Variants in ARHGEF4 observed in about 807,000 individuals in gnomAD.
ARHGEF4 encodes the protein Rho guanine nucleotide exchange factor 4, also known as APC-stimulated guanine nucleotide exchange factor 1.
In ARHGEF4, 119 loss-of-function variants were observed where a neutral mutation model predicts 162.0. The observed-to-expected ratio is 0.73, with a 90% CI of 0.63 to 0.86. The LOEUF (loss-of-function observed/expected upper bound fraction) is 0.86. Ranked by LOEUF, ARHGEF4 falls within the 40% of genes least tolerant of loss-of-function variation. The pLI is 0.00. For synonymous variants in ARHGEF4, 1,014 were observed against 979.9 expected (o/e 1.03, Z -0.65); for missense variants, 2,488 against 2,456.0 (o/e 1.01, Z -0.28).
intron 1 of ARHGEF4, among the ~76,000 whole-genome samples, chr2:130,900,753 T>G (rs181921658): frequency 4.5e-4 from 68 of 152,324 alleles, no homozygotes; most frequent in African/African-American, 1.5e-3. Context: ...CGAGTGATTT[T>G]TAATTATAGT....
intron 4 of ARHGEF4, among the ~76,000 whole-genome samples, chr2:130,983,638 A>T (rs189808865): frequency 2.3e-4 from 35 of 151,656 alleles, no homozygotes; most frequent in Admixed American, 1.6e-3. Context: ...ATTTATTTTT[A>T]TTTTATTTTA....
At chr2:131,035,918 G>A in intron 5 of ARHGEF4, 1 of 965,566 alleles carries the variant, frequency 1.0e-6, no homozygotes, top group Non-Finnish European at 1.2e-6. Context: ...CCTTCTGGAG[G>A]CTGTCAGAAC....
Position 130,941,579 on chromosome 2 carries a change from T to C in ARHGEF4, c.3859-4930T>C, listed in dbSNP as rs560429851. Among the ~76,000 whole-genome samples the C allele has an allele frequency of 2.0e-5, 3 of 152,276 alleles. No individual in the cohort carries two copies. In the South Asian group the frequency reaches 6.2e-4, roughly 32 times the overall value. On this transcript the variant is annotated intron_variant, in intron 3 of 13. Coordinates refer to ENST00000409359, the MANE Select transcript of ARHGEF4 (RefSeq NM_001367493.1). ...TTGACCAGAAGCCTTGTTGATAATA[T>C]AAACAGTCTAACACTTATTTTGTAT...
intron 1 of ARHGEF4, among the ~76,000 whole-genome samples, chr2:130,847,243 T>C (rs1423189791): frequency 2.0e-5 from 3 of 152,210 alleles, no homozygotes; most frequent in Non-Finnish European, 4.4e-5. Context: ...GTGCCTGAGC[T>C]GAATCTGACA....
chr2:130,887,486 A>G (rs1679591787), intron 1 of ARHGEF4, among the ~76,000 whole-genome samples: 1 of 152,070 alleles, frequency 6.6e-6, no homozygotes, highest in South Asian at 2.1e-4. Context: ...ACATTAATTG[A>G]CCTATTTTTA....
At chr2:130,956,739 G>A (rs13021897) in intron 4 of ARHGEF4, among the ~76,000 whole-genome samples, 14,415 of 147,624 alleles carry the variant, frequency 0.098, 719 homozygotes, top group Non-Finnish European at 0.11. Context: ...CAAACACCAC[G>A]TTCTCACTCA....
intron 2 of ARHGEF4, chr2:130,929,770 G>A (rs568145025): frequency 2.8e-4 from 56 of 199,138 alleles, no homozygotes; most frequent in Non-Finnish European, 5.2e-4. Context: ...TAGAGTGTTG[G>A]GTAGAACAGT....
chr2:131,045,591 G>A (rs569420756), intron 13 of ARHGEF4, 145 bp downstream of exon 13: 3 of 1,590,918 alleles, frequency 1.9e-6, no homozygotes, highest in South Asian at 1.1e-5. Flanking sequence ...GTTCCCAAAG[G>A]TTGGTAATAA....
At chr2:130,840,100 C>T (rs1266989126) in intron 1 of ARHGEF4, among the ~76,000 whole-genome samples, 28 of 152,210 alleles carry the variant, frequency 1.8e-4, no homozygotes, top group Non-Finnish European at 2.8e-4. Context: ...CAGCAGGAAG[C>T]ACACACATAG....
chr2:130,974,782 T>C (rs552036109), intron 4 of ARHGEF4, among the ~76,000 whole-genome samples: 2 of 152,192 alleles, frequency 1.3e-5, no homozygotes, highest in East Asian at 3.9e-4. Flanking sequence ...GTAAGAAATT[T>C]TTGTTTTCTG....
Position 130,915,561 on chromosome 2 carries a change from G to T in ARHGEF4, c.1615G>T (p.Asp539Tyr). 3.2e-6 allele frequency: 5 copies of T among 1,550,574 alleles called. No homozygotes were observed. The highest frequency in any genetic ancestry group is 4.4e-6 in the Non-Finnish European group (5 of 1,146,994). The change falls in exon 2 of 14, where the codon GAC becomes TAC. Residue 539 changes from aspartate (D) to tyrosine (Y), a missense_variant. Asp to Tyr is a radical substitution (Grantham distance 160). Coordinates refer to ENST00000409359, the MANE Select transcript of ARHGEF4 (RefSeq NM_001367493.1). The stretch of plus-strand genomic sequence containing the variant: ...TGAGGGGACCCAGGTGTGGAGTGGA[G>T]ACTTGATGGGCTGCTTGGAAGTGAG... ...SSEGTQVWSG[D>Y]LMGCLEVSDS...
At chr2:130,907,718 C>T (rs1412959397) in intron 1 of ARHGEF4, among the ~76,000 whole-genome samples, 1 of 151,732 alleles carries the variant, frequency 6.6e-6, no homozygotes, top group African/African-American at 2.4e-5. Flanking sequence ...CTTTGGGAGG[C>T]CAAGGCAGGC....
chr2:130,976,801 G>A (rs72861488), intron 4 of ARHGEF4, among the ~76,000 whole-genome samples: 4,941 of 152,268 alleles, frequency 0.032, 113 homozygotes, highest in Middle Eastern at 0.065. Context: ...CCTGCAGAGA[G>A]CCCAGAGGGA....
At chr2:130,999,316 G>A (rs1261353599) in intron 4 of ARHGEF4, among the ~76,000 whole-genome samples, 2 of 151,820 alleles carry the variant, frequency 1.3e-5, no homozygotes, top group East Asian at 1.9e-4. Flanking sequence ...CACCACGCCT[G>A]GCTAATTTTT....
intron 4 of ARHGEF4, among the ~76,000 whole-genome samples, chr2:130,967,349 C>T (rs190020724): frequency 2.6e-5 from 4 of 152,318 alleles, no homozygotes; most frequent in South Asian, 2.1e-4. Context: ...CATCTCCCCT[C>T]GGGCCCCTGG....
At chr2:130,987,423 A>C (rs868697440) in intron 4 of ARHGEF4, among the ~76,000 whole-genome samples, 17 of 152,322 alleles carry the variant, frequency 1.1e-4, no homozygotes, top group Non-Finnish European at 1.9e-4. Context: ...CGGTAGCAAA[A>C]GAGCGAAAGG....
chr2:130,917,201 GCC>G lies in ARHGEF4; in HGVS notation c.3257_3258del (p.Pro1086LeufsTer14). 1 of 1,550,416 alleles carries G rather than the reference GCC, an allele frequency of 6.4e-7. No individual in the cohort carries two copies. ...GCCTGGCATATGAAAACCCCGGGAC[GCC>G]CTGCAGACCCACGAGCCCCAAGCCC... is the stretch of plus-strand genomic sequence containing the variant. ...CCLAYENPGT[P>X]CRPTSPKPLS... is the part of the protein sequence containing the mutation. On this transcript the variant is annotated frameshift_variant, in exon 2 of 14. Coordinates refer to ENST00000409359, the MANE Select transcript of ARHGEF4 (RefSeq NM_001367493.1). LOFTEE classifies it high-confidence loss of function.
intron 4 of ARHGEF4, among the ~76,000 whole-genome samples, chr2:130,969,309 A>G (rs568616724): frequency 6.6e-6 from 1 of 152,234 alleles, no homozygotes; most frequent in South Asian, 2.1e-4. Flanking sequence ...TCAAAAAATC[A>G]TATGTCAGCC....
At chr2:131,044,621 G>A in intron 12 of ARHGEF4, 79 bp downstream of exon 12, 1 of 1,500,296 alleles carries the variant, frequency 6.7e-7, no homozygotes, top group Non-Finnish European at 8.9e-7. Context: ...TGCCGGTCAG[G>A]AGAGCGCCGC....
Sources: gnomAD v4.1 joint callset for allele counts (sites outside exome capture counted in the v4.1 genomes callset) on GRCh38, gnomAD v4.1.1 for gene constraint, MANE v1.5 for transcripts, NCBI Gene and HGNC (gene_info 2026-07-23, HGNC 2026-07-21) for gene names.